The following SLC30A8 variants were observed in gnomAD, a reference collection of about 807,000 sequenced individuals.
SLC30A8 encodes proton-coupled zinc antiporter SLC30A8.
In SLC30A8, 27 loss-of-function variants were observed where a neutral mutation model predicts 36.9. That is an observed-to-expected ratio of 0.73 (90% confidence interval 0.54 to 1.01). SLC30A8 has a LOEUF of 1.01. Ranked by LOEUF, SLC30A8 falls within the 50% of genes least tolerant of loss-of-function variation. The pLI, the probability that SLC30A8 is intolerant of heterozygous loss-of-function variation, is 0.00. For synonymous variants in SLC30A8, 164 were observed against 172.4 expected, an observed-to-expected ratio of 0.95 and a Z score of 0.38; for missense variants, 439 against 452.0, an observed-to-expected ratio of 0.97 and a Z score of 0.26.
intron 2 of SLC30A8, among the ~76,000 whole-genome samples, chr8:117,100,978 G>T (rs1819691313): frequency 6.6e-6 from 1 of 152,096 alleles, no homozygotes; most frequent in Admixed American, 6.6e-5. Flanking sequence ...GTATAAACAA[G>T]TTCAAACCTG....
intron 1 of SLC30A8, among the ~76,000 whole-genome samples, chr8:116,992,799 A>G (rs957190747): frequency 2.0e-5 from 3 of 152,232 alleles, no homozygotes; most frequent in African/African-American, 4.8e-5. Flanking sequence ...AACAAAGCAT[A>G]TAAAATAATT....
At position 117,172,764 on chromosome 8, in the gene SLC30A8, G is replaced by T. The variant is rs909325429; in HGVS notation, c.*83G>T. The T allele has an allele frequency of 1.4e-6, 2 of 1,480,836 alleles. No individual in the cohort carries two copies. The highest frequency in any genetic ancestry group is 1.9e-6 in the Non-Finnish European group (2 of 1,078,288). The allele number at this position is 1,480,836 out of a possible 1,614,324, so 91.7% of individuals were successfully genotyped here. A position where few individuals can be genotyped will look rare whatever the true frequency, so the allele number is the denominator to read the frequency against. On this transcript the variant is annotated 3_prime_UTR_variant, in exon 8 of 8. Transcript: ENST00000456015. ...GCAGTTTCTGCATCATAGAAAATAA[G>T]GAACCAAAGGAAGAAATTCATGTCA... is the stretch of plus-strand genomic sequence containing the variant.
At chr8:117,049,062 T>C (rs1817634445) in intron 2 of SLC30A8, among the ~76,000 whole-genome samples, 1 of 152,200 alleles carries the variant, frequency 6.6e-6, no homozygotes, top group African/African-American at 2.4e-5. Context: ...TCATACAGGG[T>C]AACTTCATAG....
At chr8:117,087,106 T>C (rs1218287251) in intron 2 of SLC30A8, among the ~76,000 whole-genome samples, 2 of 152,194 alleles carry the variant, frequency 1.3e-5, no homozygotes, top group African/African-American at 4.8e-5. Context: ...TAATGGGATT[T>C]CTCGGAAATG....
chr8:116,989,003 CA>C (rs1815542761), intron 1 of SLC30A8, among the ~76,000 whole-genome samples: 1 of 152,242 alleles, frequency 6.6e-6, no homozygotes, highest in African/African-American at 2.4e-5. Context: ...GTCCCTAACA[CA>C]AGTGATTGGA....
chr8:117,159,202 G>T (rs532543582), intron 4 of SLC30A8, among the ~76,000 whole-genome samples: 8 of 152,188 alleles, frequency 5.3e-5, no homozygotes, highest in Admixed American at 6.5e-5. Context: ...GTTGTTTTAA[G>T]CTGCTAAAGC....
chr8:116,981,120 G>T (rs943592617), intron 1 of SLC30A8, among the ~76,000 whole-genome samples: 2 of 152,198 alleles, frequency 1.3e-5, no homozygotes, highest in African/African-American at 4.8e-5. Flanking sequence ...TGGACTGAAG[G>T]ATGTACTGCC....
intron 2 of SLC30A8, among the ~76,000 whole-genome samples, chr8:117,121,863 G>C (rs944579976): frequency 2.0e-5 from 3 of 151,884 alleles, no homozygotes; most frequent in Non-Finnish European, 4.4e-5. Context: ...AGTTGCTGTT[G>C]AGTGGGTATG....
chr8:116,997,980 T>C (rs879586443), intron 1 of SLC30A8, among the ~76,000 whole-genome samples: 2 of 152,234 alleles, frequency 1.3e-5, no homozygotes, highest in African/African-American at 2.4e-5. Flanking sequence ...GAATGGGCTC[T>C]TCTTCTGTGT....
At chr8:117,036,789 G>A (rs1031173379) in intron 1 of SLC30A8, among the ~76,000 whole-genome samples, 3 of 152,168 alleles carry the variant, frequency 2.0e-5, no homozygotes, top group Non-Finnish European at 4.4e-5. Flanking sequence ...AGATTTGGGT[G>A]GGGACACAGA....
chr8:117,032,459 GCTTCTAA>G (rs1817084640), intron 1 of SLC30A8, among the ~76,000 whole-genome samples: 1 of 152,160 alleles, frequency 6.6e-6, no homozygotes, highest in Non-Finnish European at 1.5e-5. Flanking sequence ...TCATTTTTCA[GCTTCTAA>G]AAGCCAGTTG....
chr8:116,984,348 T>C (rs1815371813), intron 1 of SLC30A8, among the ~76,000 whole-genome samples: 1 of 152,186 alleles, frequency 6.6e-6, no homozygotes. Flanking sequence ...TGTTAAGTCA[T>C]ATAGTAGTTG....
intron 1 of SLC30A8, among the ~76,000 whole-genome samples, chr8:117,031,604 G>A (rs925283652): frequency 7.9e-5 from 12 of 151,886 alleles, no homozygotes; most frequent in African/African-American, 2.9e-4. Context: ...GGGATTACAG[G>A]CATGCACCAC....
chr8:116,988,761 A>G (rs1043129472), intron 1 of SLC30A8, among the ~76,000 whole-genome samples: 2 of 152,218 alleles, frequency 1.3e-5, no homozygotes, highest in African/African-American at 4.8e-5. Flanking sequence ...TTAAAATTTG[A>G]TAAGTATTTT....
chr8:117,070,175 C>T (rs534260252), intron 2 of SLC30A8, among the ~76,000 whole-genome samples: 3 of 152,252 alleles, frequency 2.0e-5, no homozygotes, highest in South Asian at 2.1e-4. Context: ...CAAAACAGCA[C>T]CAAAATCTAA....
At chr8:117,023,133 T>C (rs555895009) in intron 1 of SLC30A8, among the ~76,000 whole-genome samples, 5 of 152,264 alleles carry the variant, frequency 3.3e-5, no homozygotes, top group Non-Finnish European at 5.9e-5. Flanking sequence ...ATGTTCATCA[T>C]TGGCCATCAG....
chr8:117,102,294 A>G (rs542972401), intron 2 of SLC30A8, among the ~76,000 whole-genome samples: 2 of 152,184 alleles, frequency 1.3e-5, no homozygotes, highest in African/African-American at 4.8e-5. Context: ...TACCTATTTC[A>G]TGCTCTAAGA....
At chr8:117,003,463 A>G (rs1253780088) in intron 1 of SLC30A8, among the ~76,000 whole-genome samples, 1 of 152,208 alleles carries the variant, frequency 6.6e-6, no homozygotes, top group African/African-American at 2.4e-5. Flanking sequence ...AGCTTTGTGT[A>G]TGGTAAGATA....
At chr8:117,039,038 C>T (rs571206660) in intron 1 of SLC30A8, among the ~76,000 whole-genome samples, 6 of 151,892 alleles carry the variant, frequency 4.0e-5, no homozygotes, top group Non-Finnish European at 7.4e-5. Context: ...CAGAAATACT[C>T]GTGGAGACTC....
Sources: gnomAD v4.1 joint callset for allele counts (sites outside exome capture counted in the v4.1 genomes callset) on GRCh38, gnomAD v4.1.1 for gene constraint, MANE v1.5 for transcripts, NCBI Gene and HGNC (gene_info 2026-07-23, HGNC 2026-07-21) for gene names.